The following MAD1L1 variants were observed in gnomAD, a reference collection of about 807,000 sequenced individuals.
MAD1L1 encodes the protein mitotic arrest deficient 1 like 1, also known as mitotic spindle assembly checkpoint protein MAD1.
MAD1L1 carries 95 observed loss-of-function variants against 96.9 expected under a neutral mutation model. The ratio of observed to expected loss-of-function variants is 0.98; its 90% CI spans 0.83 to 1.16. The LOEUF is 1.16. MAD1L1 is among the 50% of genes most tolerant of loss of function. The probability of loss-of-function intolerance (pLI) is 0.00; values close to 1 mark genes in which losing one functional copy is unlikely to be tolerated. For synonymous variants in MAD1L1, 473 were observed against 396.6 expected (o/e 1.19, Z -2.29); for missense variants, 1,007 against 954.4 (o/e 1.06, Z -0.73).
rs1247117752 is a variant in MAD1L1, at chr7:1,957,666, C to G, written c.1559G>C (p.Arg520Thr). 1 of 1,614,140 alleles carries G rather than the reference C, an allele frequency of 6.2e-7. No individual in the cohort carries two copies. The highest frequency in any genetic ancestry group is 2.2e-5 in the East Asian group (1 of 44,874). Residue 520 changes from arginine (R) to threonine (T), a missense_variant, in exon 16 of 19, where the codon AGG (arginine) becomes ACG (threonine). Coordinates refer to ENST00000265854, the MANE Select transcript of MAD1L1 (RefSeq NM_001013836.2). The stretch of plus-strand genomic sequence containing the variant: ...CCGCTCCAGCTGTGCCTCCAGCATC[C>G]TCTTTTCCTCCTCCAGCCGACTCCG... ...GERSRLEEEK[R>T]MLEAQLERRA...
intron 11 of MAD1L1, among the ~76,000 whole-genome samples, chr7:2,130,465 C>G (rs1432375387): frequency 6.6e-6 from 1 of 152,208 alleles, no homozygotes; most frequent in African/African-American, 2.4e-5. Flanking sequence ...TCTACGTCGT[C>G]TGCGGCAGGT....
chr7:1,842,251 C>T (rs922033658), intron 18 of MAD1L1, among the ~76,000 whole-genome samples: 3 of 152,210 alleles, frequency 2.0e-5, no homozygotes, highest in East Asian at 1.9e-4. Context: ...GAGGAAGCGG[C>T]GACAGATTTC....
intron 17 of MAD1L1, among the ~76,000 whole-genome samples, chr7:1,921,030 G>T (rs1182201983): frequency 6.6e-6 from 1 of 152,218 alleles, no homozygotes; most frequent in Admixed American, 6.5e-5. Flanking sequence ...GTGGGAAGAG[G>T]GCGGAGAGGC....
intron 12 of MAD1L1, among the ~76,000 whole-genome samples, chr7:2,046,966 C>T (rs781566305): frequency 9.2e-5 from 14 of 152,216 alleles, no homozygotes; most frequent in Non-Finnish European, 5.9e-5. Flanking sequence ...CACTCACAGA[C>T]GACAAAGGAA....
At chr7:2,047,821 A>C (rs1195766153) in intron 12 of MAD1L1, among the ~76,000 whole-genome samples, 1 of 152,136 alleles carries the variant, frequency 6.6e-6, no homozygotes, top group Non-Finnish European at 1.5e-5. Context: ...ACATATGCAG[A>C]GAGCTGACTC....
At chr7:1,830,766 A>G (rs1161478710) in intron 18 of MAD1L1, among the ~76,000 whole-genome samples, 8 of 152,324 alleles carry the variant, frequency 5.3e-5, no homozygotes, top group Non-Finnish European at 7.3e-5. Flanking sequence ...ACAGTTAACA[A>G]ATCAAAAAAG....
chr7:1,894,565 G>A (rs1311930109), intron 18 of MAD1L1, among the ~76,000 whole-genome samples: 3 of 152,172 alleles, frequency 2.0e-5, no homozygotes, highest in African/African-American at 7.2e-5. Flanking sequence ...CAGGTGAGGA[G>A]ACTGAAACTT....
chr7:2,065,622 C>A (rs1443124343), intron 12 of MAD1L1, among the ~76,000 whole-genome samples: 1 of 152,162 alleles, frequency 6.6e-6, no homozygotes, highest in Admixed American at 6.5e-5. Flanking sequence ...AACTCAGACC[C>A]TCAACAACTC....
At chr7:2,125,163 C>T (rs1194298162) in intron 11 of MAD1L1, among the ~76,000 whole-genome samples, 1 of 152,192 alleles carries the variant, frequency 6.6e-6, no homozygotes, top group Non-Finnish European at 1.5e-5. Context: ...CCGGGTCATG[C>T]AGCCCACAGT....
At chr7:1,880,460 G>A (rs1785621565) in intron 18 of MAD1L1, among the ~76,000 whole-genome samples, 1 of 152,160 alleles carries the variant, frequency 6.6e-6, no homozygotes, top group South Asian at 2.1e-4. Flanking sequence ...GAGGCCACTC[G>A]ACACAGTGAT....
intron 18 of MAD1L1, among the ~76,000 whole-genome samples, chr7:1,885,288 C>CCT (rs954649822): frequency 5.3e-4 from 81 of 152,308 alleles, no homozygotes; most frequent in African/African-American, 1.7e-3. Context: ...TCTCACATGC[C>CCT]CTCTGCCCAC....
Position 1,838,224 on chromosome 7 carries a change from C to T in MAD1L1, c.1999-21996G>A, listed in dbSNP as rs1399325441. Among the ~76,000 whole-genome samples, 3 of 152,236 alleles carry T rather than the reference C, an allele frequency of 2.0e-5. No homozygotes were observed. In the East Asian group the frequency reaches 5.8e-4, roughly 29 times the overall value. On this transcript the variant is annotated intron_variant, in intron 18 of 18. Coordinates refer to ENST00000265854, the MANE Select transcript of MAD1L1 (RefSeq NM_001013836.2). ...GATGGAAAAGCATCATAAAAGCAGA[C>T]AGTGGCGCGTGCTGGGGAGGACGGG... is the stretch of plus-strand genomic sequence containing the variant.
At chr7:2,074,908 C>T (rs948300713) in intron 11 of MAD1L1, among the ~76,000 whole-genome samples, 8 of 152,130 alleles carry the variant, frequency 5.3e-5, no homozygotes, top group African/African-American at 1.4e-4. Context: ...GAGCCGGGGA[C>T]GCTTCCAATG....
rs200930173 is a variant in MAD1L1, at chr7:2,222,723, G to C, written c.323C>G (p.Thr108Arg). 1.2e-6 allele frequency: 2 copies of C among 1,607,560 alleles called. No homozygotes were observed. Among genetic ancestry groups the C allele is most frequent in the South Asian group, 1.1e-5 (1 of 90,858 alleles). ...REVDRNQELL[T>R]RIRQLQEREA... ...CCGCTCCTGAAGCTGCCGGATGCGC[G>C]TCAGGAGCTCCTGGTTGCGGTCGAC... The change falls in exon 5 of 19, where the codon ACG (threonine) becomes AGG (arginine). Residue 108 changes from threonine (T) to arginine (R), a missense_variant. Coordinates refer to ENST00000265854, the MANE Select transcript of MAD1L1 (RefSeq NM_001013836.2).
At chr7:2,095,290 C>T (rs986516073) in intron 11 of MAD1L1, among the ~76,000 whole-genome samples, 7 of 152,146 alleles carry the variant, frequency 4.6e-5, no homozygotes, top group Admixed American at 2.6e-4. Flanking sequence ...GTGATCCACC[C>T]GCCTCGGCCT....
intron 11 of MAD1L1, among the ~76,000 whole-genome samples, chr7:2,133,621 T>C (rs1451732648): frequency 6.6e-6 from 1 of 152,252 alleles, no homozygotes; most frequent in Non-Finnish European, 1.5e-5. Flanking sequence ...AGTCACTGCC[T>C]AATTGAGAGT....
chr7:2,098,457 G>C (rs1287596307), intron 11 of MAD1L1, among the ~76,000 whole-genome samples: 2 of 152,162 alleles, frequency 1.3e-5, no homozygotes, highest in Non-Finnish European at 2.9e-5. Flanking sequence ...GATCCAAATA[G>C]CCAGGGTCCC....
intron 12 of MAD1L1, among the ~76,000 whole-genome samples, chr7:2,046,851 G>A (rs1421691925): frequency 2.0e-5 from 3 of 152,290 alleles, no homozygotes; most frequent in Admixed American, 6.5e-5. Flanking sequence ...TAAGGAGGAG[G>A]AGCAGCGCTC....
At chr7:1,976,606 G>T (rs189703871) in intron 15 of MAD1L1, among the ~76,000 whole-genome samples, 199 of 152,328 alleles carry the variant, frequency 1.3e-3, no homozygotes, top group African/African-American at 4.7e-3. Context: ...CGTGGAAGGG[G>T]ACCCCAGCGG....
Sources: allele counts gnomAD v4.1 joint callset (sites outside exome capture counted in the v4.1 genomes callset), GRCh38; gene constraint gnomAD v4.1.1; transcripts MANE v1.5; gene names NCBI Gene and HGNC (gene_info 2026-07-23, HGNC 2026-07-21).